Variants in STXBP5 observed in about 807,000 individuals in gnomAD.
The protein encoded by STXBP5 is syntaxin-binding protein 5.
In STXBP5, 50 loss-of-function variants were observed where a neutral mutation model predicts 152.4. The ratio of observed to expected loss-of-function variants is 0.33; its 90% CI spans 0.26 to 0.42. STXBP5 has a LOEUF of 0.42. Ranked by LOEUF, STXBP5 falls within the 10% of genes least tolerant of loss-of-function variation. STXBP5 has a pLI of 1.00. For synonymous variants in STXBP5, 492 were observed against 494.7 expected (o/e 0.99, Z 0.07); for missense variants, 1,167 against 1,388.6 (o/e 0.84, Z 2.54).
chr6:147,206,261 A>G (rs1290764168), intron 2 of STXBP5, among the ~76,000 whole-genome samples, 193 bp downstream of exon 2: 4 of 152,150 alleles, frequency 2.6e-5, no homozygotes, highest in African/African-American at 9.7e-5. Flanking sequence ...CTCAGCTCCT[A>G]GTTTATAGTA....
In STXBP5 at chr6:147,236,343, G is replaced by A. The variant is rs931778358; in HGVS notation, c.330+1012G>A. Reference sequence around the variant, plus strand: ...TTTAATTAAAATGTAGAAAGTTGTCGAAGCCATATATGAAGACTCAGATTA... The same window carrying A: ...TTTAATTAAAATGTAGAAAGTTGTCAAAGCCATATATGAAGACTCAGATTA... On this transcript the variant is annotated intron_variant, in intron 3 of 27. Coordinates refer to ENST00000321680, the MANE Select transcript of STXBP5 (RefSeq NM_001127715.4). Among the ~76,000 whole-genome samples, 9 of 152,006 alleles carry A rather than the reference G, an allele frequency of 5.9e-5. 1 individual carries two copies. Among genetic ancestry groups the A allele is most frequent in the South Asian group, 2.1e-4 (1 of 4,826 alleles).
intron 4 of STXBP5, among the ~76,000 whole-genome samples, chr6:147,244,408 T>C (rs915726072): frequency 6.6e-5 from 10 of 152,234 alleles, no homozygotes; most frequent in Admixed American, 2.0e-4. Flanking sequence ...TCATATAAAC[T>C]TTAGAATCAG....
In STXBP5 at chr6:147,354,425, G is replaced by A. The variant is rs182962835; in HGVS notation, c.2305+1052G>A. 1.2e-3 allele frequency among the ~76,000 whole-genome samples: 180 copies of A among 151,880 alleles called. 2 individuals carry two copies. The highest frequency in any genetic ancestry group is 4.1e-3 in the African/African-American group (171 of 41,428). ...GAACAAGAGTTAATCATAGAATATA[G>A]GATAGTAGACATTTTGAGAAGGTCA... On this transcript the variant is annotated intron_variant, in intron 22 of 27. Coordinates refer to ENST00000321680, the MANE Select transcript of STXBP5 (RefSeq NM_001127715.4).
intron 27 of STXBP5, 111 bp from the exon 28 acceptor site, chr6:147,384,603 C>T: frequency 9.1e-7 from 1 of 1,104,248 alleles, no homozygotes; most frequent in African/African-American, 1.6e-5. Flanking sequence ...TATAGTAGCA[C>T]TACAGAATAT....
chr6:147,298,306 A>G lies in STXBP5; in HGVS notation c.917+7134A>G, dbSNP rs73586321. On this transcript the variant is annotated intron_variant, in intron 9 of 27. Coordinates refer to ENST00000321680, the MANE Select transcript of STXBP5 (RefSeq NM_001127715.4). ...TAGCATGAGGATTTAAGAATTACAA[A>G]TATATATGCATTGAACACTAGAGCA... Among the ~76,000 whole-genome samples the G allele has an allele frequency of 3.4e-3, 515 of 152,154 alleles. 4 individuals carry two copies. Among genetic ancestry groups the G allele is most frequent in the African/African-American group, 0.012 (494 of 41,556 alleles).
chr6:147,321,912 G>T (rs544591525), intron 16 of STXBP5, among the ~76,000 whole-genome samples: 81 of 152,080 alleles, frequency 5.3e-4, no homozygotes, highest in Non-Finnish European at 1.1e-3. Flanking sequence ...CTTGGCTTAG[G>T]TTTCTCATCC....
intron 4 of STXBP5, among the ~76,000 whole-genome samples, chr6:147,257,672 T>G (rs1009046658): frequency 3.3e-5 from 5 of 152,216 alleles, no homozygotes; most frequent in Admixed American, 3.3e-4. Context: ...CTGTTTGCAT[T>G]CCTGAAAAGT....
At chr6:147,317,154 AAG>A (rs1421745454) in intron 16 of STXBP5, among the ~76,000 whole-genome samples, 3 of 152,202 alleles carry the variant, frequency 2.0e-5, no homozygotes, top group Non-Finnish European at 4.4e-5. Context: ...TACTAGGTTC[AAG>A]GTAGAGAGGG....
chr6:147,376,884 C>G (rs1418476856), intron 26 of STXBP5, among the ~76,000 whole-genome samples: 1 of 151,730 alleles, frequency 6.6e-6, no homozygotes, highest in African/African-American at 2.4e-5. Context: ...AACATAAGGA[C>G]ACAAAAAGGT....
chr6:147,384,569 G>C (rs1431275557), intron 27 of STXBP5, 145 bp from the exon 28 acceptor site: 4 of 784,660 alleles, frequency 5.1e-6, no homozygotes, highest in Non-Finnish European at 6.4e-6. Context: ...AGTTCTTACT[G>C]CTTTTAATAA....
At chr6:147,265,383 C>A (rs183312801) in intron 6 of STXBP5, among the ~76,000 whole-genome samples, 1 of 152,040 alleles carries the variant, frequency 6.6e-6, no homozygotes, top group Non-Finnish European at 1.5e-5. Context: ...CAGATATAGA[C>A]TAATCATTTT....
chr6:147,313,518 G>T (rs1335415588), intron 11 of STXBP5, among the ~76,000 whole-genome samples: 2 of 152,258 alleles, frequency 1.3e-5, no homozygotes, highest in East Asian at 3.9e-4. Context: ...TAAGGATGAG[G>T]TATGTGTTAT....
chr6:147,354,815 A>G lies in STXBP5; in HGVS notation c.2305+1442A>G, dbSNP rs369117833. The stretch of plus-strand genomic sequence containing the variant: ...AGCATGCCCATGTATGCCCTAAGCC[A>G]ATTATAACTTTGACTAATGTATACC... On this transcript the variant is annotated intron_variant, in intron 22 of 27. Coordinates refer to ENST00000321680, the MANE Select transcript of STXBP5 (RefSeq NM_001127715.4). Among the ~76,000 whole-genome samples the G allele has an allele frequency of 9.3e-4, 141 of 152,282 alleles. 1 individual carries two copies. Among genetic ancestry groups the G allele is most frequent in the South Asian group, 3.1e-3 (15 of 4,822 alleles).
At chr6:147,216,372 A>C (rs1323803669) in intron 2 of STXBP5, among the ~76,000 whole-genome samples, 4 of 152,202 alleles carry the variant, frequency 2.6e-5, no homozygotes, top group African/African-American at 9.7e-5. Flanking sequence ...AGCCTGAGCG[A>C]TAGAGTGAGA....
intron 21 of STXBP5, among the ~76,000 whole-genome samples, chr6:147,341,519 G>T (rs984799753): frequency 6.6e-6 from 1 of 152,136 alleles, no homozygotes; most frequent in African/African-American, 2.4e-5. Context: ...TTATACAGTG[G>T]CTGGGAAAAC....
chr6:147,219,810 T>G (rs1183441619), intron 2 of STXBP5, among the ~76,000 whole-genome samples: 3 of 149,796 alleles, frequency 2.0e-5, no homozygotes, highest in Non-Finnish European at 4.5e-5. Context: ...TTTTTTTTTT[T>G]TTTTTTTTTT....
chr6:147,316,295 C>A lies in STXBP5; in HGVS notation c.1690C>A (p.Pro564Thr). Reference sequence around the variant, plus strand: ...AACTCCGGAGGGTGAGCAGCCACCACCTTTGCCAACACCCGTGGGAGGGTC... The same window carrying A: ...AACTCCGGAGGGTGAGCAGCCACCAACTTTGCCAACACCCGTGGGAGGGTC... ...VETPEGEQPP[P>T]LPTPVGGSNP... Residue 564 changes from proline (P) to threonine (T), a missense_variant, in exon 16 of 28, where the codon CCT becomes ACT. By Grantham distance (38) the Pro-to-Thr change is conservative. This residue lies in a region of STXBP5 where 833 missense variants were observed against 986.3 expected (regional missense o/e 0.84). Transcript: ENST00000321680. 1 of 1,613,972 alleles carries A rather than the reference C, an allele frequency of 6.2e-7. No homozygotes were observed. The highest frequency in any genetic ancestry group is 8.5e-7 in the Non-Finnish European group (1 of 1,179,964).
intron 4 of STXBP5, among the ~76,000 whole-genome samples, chr6:147,245,718 C>T (rs1189308167): frequency 6.6e-6 from 1 of 152,142 alleles, no homozygotes; most frequent in African/African-American, 2.4e-5. Context: ...AAGGTGGAGA[C>T]TAATCTGGTG....
intron 2 of STXBP5, among the ~76,000 whole-genome samples, chr6:147,229,373 A>G (rs987351044): frequency 3.3e-5 from 5 of 151,910 alleles, no homozygotes; most frequent in Non-Finnish European, 5.9e-5. Context: ...TTAGTGAGAT[A>G]TGCTTACATA....
Sources: gnomAD v4.1 joint callset for allele counts (sites outside exome capture counted in the v4.1 genomes callset) on GRCh38, gnomAD v4.1.1 for gene constraint, gnomAD v4.1.1 regional missense constraint, MANE v1.5 for transcripts, NCBI Gene and HGNC (gene_info 2026-07-23, HGNC 2026-07-21) for gene names.